The following ZBBX variants were observed in gnomAD, a reference collection of about 807,000 sequenced individuals.
ZBBX encodes zinc finger B-box domain-containing protein 1.
In ZBBX, 101 loss-of-function variants were observed where a neutral mutation model predicts 108.5. The observed-to-expected ratio is 0.93, with a 90% CI of 0.79 to 1.10. ZBBX has a LOEUF of 1.10. Among genes scored for constraint, ZBBX ranks in the 50% least tolerant of loss-of-function variants. The pLI is 0.00. For synonymous variants in ZBBX, 356 were observed against 323.4 expected (o/e 1.10, Z -1.08); for missense variants, 1,009 against 941.4 (o/e 1.07, Z -0.94).
chr3:167,313,859 A>T, intron 16 of ZBBX, 115 bp downstream of exon 16: 1 of 906,116 alleles, frequency 1.1e-6, no homozygotes, highest in Non-Finnish European at 1.6e-6. Flanking sequence ...TTTTCATTTT[A>T]GTACTGAGGT....
intron 20 of ZBBX, among the ~76,000 whole-genome samples, chr3:167,256,563 A>C (rs1469167322): frequency 6.7e-6 from 1 of 148,936 alleles, no homozygotes; most frequent in African/African-American, 2.6e-5. Context: ...TATTATTTCT[A>C]ACTATTTTTT....
chr3:167,335,077 C>A (rs773273871), intron 9 of ZBBX, among the ~76,000 whole-genome samples: 5 of 152,126 alleles, frequency 3.3e-5, no homozygotes, highest in Non-Finnish European at 1.5e-5. Flanking sequence ...CAACTGTACA[C>A]GGTATTTACC....
chr3:167,341,781 C>T (rs776392743), intron 9 of ZBBX, among the ~76,000 whole-genome samples: 4 of 151,830 alleles, frequency 2.6e-5, no homozygotes, highest in Non-Finnish European at 4.4e-5. Context: ...CATATTTGAG[C>T]TACACAAGGA....
intron 1 of ZBBX, among the ~76,000 whole-genome samples, chr3:167,395,803 G>A (rs1182129887): frequency 6.6e-6 from 1 of 151,930 alleles, no homozygotes; most frequent in African/African-American, 2.4e-5. Context: ...ATTTGGAAGA[G>A]CTATTGCAAG....
the ZBBX span, among the ~76,000 whole-genome samples, chr3:167,209,258 A>G: frequency 2.0e-5 from 3 of 149,890 alleles, no homozygotes; most frequent in South Asian, 2.1e-4. Context: ...TTAGCCAGGC[A>G]TTAGTTCTCA....
chr3:167,342,340 G>A (rs942201835), intron 9 of ZBBX, among the ~76,000 whole-genome samples: 1 of 151,762 alleles, frequency 6.6e-6, no homozygotes, highest in Non-Finnish European at 1.5e-5. Flanking sequence ...CAGTGGGTTA[G>A]ACTAATGATC....
the ZBBX span, among the ~76,000 whole-genome samples, chr3:167,192,977 C>T: frequency 6.6e-6 from 1 of 152,100 alleles, no homozygotes; most frequent in Non-Finnish European, 1.5e-5. Context: ...CTCACTGGTT[C>T]CTTGCTCTGA....
chr3:167,315,716 A>G (rs746300960), intron 15 of ZBBX, 34 bp downstream of exon 15: 1 of 1,477,126 alleles, frequency 6.8e-7, no homozygotes, highest in South Asian at 1.2e-5. Flanking sequence ...GAGGGGGCTC[A>G]ATATGCACAC....
At chr3:167,355,578 A>G (rs955016057) in intron 8 of ZBBX, among the ~76,000 whole-genome samples, 4 of 151,518 alleles carry the variant, frequency 2.6e-5, no homozygotes, top group Non-Finnish European at 5.9e-5. Context: ...TCCTTTATAT[A>G]TATATTCATA....
At chr3:167,387,052 T>G (rs1261414913) in intron 1 of ZBBX, among the ~76,000 whole-genome samples, 2 of 152,052 alleles carry the variant, frequency 1.3e-5, no homozygotes, top group Non-Finnish European at 2.9e-5. Flanking sequence ...CACAACTTTG[T>G]CCATAAGAAA....
intron 8 of ZBBX, among the ~76,000 whole-genome samples, chr3:167,352,643 C>A (rs992942568): frequency 2.0e-5 from 3 of 151,720 alleles, no homozygotes; most frequent in Middle Eastern, 3.4e-3. Flanking sequence ...CCAGGGTAAC[C>A]CTGCTACCAA....
intron 11 of ZBBX, among the ~76,000 whole-genome samples, chr3:167,327,429 A>C (rs960723709): frequency 5.9e-5 from 9 of 152,148 alleles, no homozygotes; most frequent in African/African-American, 2.2e-4. Flanking sequence ...AACAAATGCA[A>C]ATCCCCCTAG....
chr3:167,197,723 GATTAT>G, the ZBBX span, among the ~76,000 whole-genome samples: 1 of 152,052 alleles, frequency 6.6e-6, no homozygotes, highest in African/African-American at 2.4e-5. Flanking sequence ...TCCGAAAGTT[GATTAT>G]TTTATTTAAA....
chr3:167,268,202 T>G (rs1725902042), intron 20 of ZBBX, among the ~76,000 whole-genome samples: 1 of 151,980 alleles, frequency 6.6e-6, no homozygotes, highest in Non-Finnish European at 1.5e-5. Context: ...AGTCTGGAAT[T>G]TAAAGAAGGA....
chr3:167,277,477 C>T (rs1017342379), intron 20 of ZBBX, among the ~76,000 whole-genome samples: 1 of 151,942 alleles, frequency 6.6e-6, no homozygotes, highest in Non-Finnish European at 1.5e-5. Context: ...GACTTTAAAC[C>T]AACAAAGATC....
chr3:167,301,771 C>T (rs1732717352), intron 17 of ZBBX, among the ~76,000 whole-genome samples: 3 of 151,904 alleles, frequency 2.0e-5, no homozygotes, highest in South Asian at 4.1e-4. Flanking sequence ...TCCTGGCTAA[C>T]ACGATGAAAC....
At chr3:167,271,156 T>C (rs1726449915) in intron 20 of ZBBX, among the ~76,000 whole-genome samples, 1 of 152,172 alleles carries the variant, frequency 6.6e-6, no homozygotes, top group African/African-American at 2.4e-5. Context: ...ATATTGATTC[T>C]AAATATGCCT....
At chr3:167,215,200 CT>C in the ZBBX span, among the ~76,000 whole-genome samples, 12 of 151,504 alleles carry the variant, frequency 7.9e-5, no homozygotes, top group African/African-American at 2.2e-4. Context: ...CCAGGAACTG[CT>C]TTTTTTTAAA....
intron 9 of ZBBX, among the ~76,000 whole-genome samples, chr3:167,337,726 T>C (rs1312037005): frequency 6.6e-6 from 1 of 152,100 alleles, no homozygotes; most frequent in Non-Finnish European, 1.5e-5. Flanking sequence ...CATATCTAGA[T>C]TTACAAAAGA....
Sources: allele counts gnomAD v4.1 joint callset (sites outside exome capture counted in the v4.1 genomes callset), GRCh38; gene constraint gnomAD v4.1.1; transcripts MANE v1.5; gene names NCBI Gene and HGNC (gene_info 2026-07-23, HGNC 2026-07-21).